COL5A1: variants seen among roughly 807,000 people sequenced by gnomAD.
The protein encoded by COL5A1 is collagen alpha-1(V) chain.
A neutral mutation model predicts 263.7 loss-of-function variants in COL5A1; 16 were observed. That is an observed-to-expected ratio of 0.06 (90% CI 0.04 to 0.09). The LOEUF (loss-of-function observed/expected upper bound fraction) is 0.09. Ranked by LOEUF, COL5A1 falls within the 10% of genes least tolerant of loss-of-function variation. COL5A1 has a pLI of 1.00. For synonymous variants in COL5A1, 1,012 were observed against 1,004.5 expected, an observed-to-expected ratio of 1.01 and a Z score of -0.14; for missense variants, 2,036 against 2,540.5, an observed-to-expected ratio of 0.80 and a Z score of 4.27.
At chr9:134,831,336 A>G (rs942329964) in intron 64 of COL5A1, among the ~76,000 whole-genome samples, 1 of 152,216 alleles carries the variant, frequency 6.6e-6, no homozygotes. Context: ...GTCTGTGCTC[A>G]CCGTGGCTGT....
intron 18 of COL5A1, among the ~76,000 whole-genome samples, chr9:134,760,311 C>G (rs1174294586): frequency 2.3e-5 from 2 of 87,456 alleles, no homozygotes; most frequent in Admixed American, 1.4e-4. Flanking sequence ...CCCACACATA[C>G]ACACATGCAC....
intron 1 of COL5A1, among the ~76,000 whole-genome samples, chr9:134,664,070 C>G (rs541110381): frequency 6.6e-6 from 1 of 152,318 alleles, no homozygotes; most frequent in East Asian, 1.9e-4. Flanking sequence ...AGCCAGGGCA[C>G]TGGCAGAAAT....
At chr9:134,649,575 T>G (rs1274143601) in intron 1 of COL5A1, 2 of 444,396 alleles carry the variant, frequency 4.5e-6, no homozygotes, top group South Asian at 3.4e-5. Flanking sequence ...TCTGGTGGCC[T>G]CTTTTTTTTC....
chr9:134,813,182 A>G (rs532278067), intron 48 of COL5A1, among the ~76,000 whole-genome samples: 6 of 151,196 alleles, frequency 4.0e-5, no homozygotes, highest in Admixed American at 3.9e-4. Context: ...CATGAGCGTC[A>G]TGGACCCAGT....
chr9:134,750,464 C>T (rs915923496), intron 11 of COL5A1, 78 bp from the exon 12 acceptor site: 50 of 1,351,844 alleles, frequency 3.7e-5, no homozygotes, highest in South Asian at 2.0e-4. Flanking sequence ...GCCGCTTCTC[C>T]GACGCCCTCA....
intron 34 of COL5A1, 35 bp from the exon 35 acceptor site, chr9:134,796,339 T>A: frequency 6.2e-7 from 1 of 1,609,478 alleles, no homozygotes. Flanking sequence ...ATAATAACAA[T>A]CATAAGCTTT....
At chr9:134,748,144 T>C (rs1835634162) in intron 11 of COL5A1, among the ~76,000 whole-genome samples, 1 of 143,144 alleles carries the variant, frequency 7.0e-6, no homozygotes, top group Non-Finnish European at 1.5e-5. Flanking sequence ...TGCATACACA[T>C]GCATTCACAC....
rs1346454000 is a variant in COL5A1 at position 134,830,982 on chromosome 9, C to T, written c.5136+938C>T. On this transcript the variant is annotated intron_variant, in intron 64 of 65. Transcript: ENST00000371817. ...AAGGTTCCAGAACACAAGACGGGTT[C>T]CGGGTGTCATTTATGGCCCAGATTC... Among the ~76,000 whole-genome samples, 3 of 152,226 alleles carry T rather than the reference C, an allele frequency of 2.0e-5. No homozygotes were observed. The East Asian group carries it at 5.8e-4, about 29-fold the overall frequency.
intron 11 of COL5A1, among the ~76,000 whole-genome samples, chr9:134,747,595 GCATTCACACGCA>G (rs1260763969): frequency 6.6e-6 from 1 of 150,878 alleles, no homozygotes; most frequent in East Asian, 2.0e-4. Flanking sequence ...ATACACACAT[GCATTCACACGCA>G]CATTCACACA....
chr9:134,802,888 G>T lies in COL5A1; in HGVS notation c.3007G>T (p.Gly1003Cys). Reference protein sequence around the residue: ...PGPPGVVGPQGPTGETGPMGE... With the variant: ...PGPPGVVGPQCPTGETGPMGE... Reference sequence around the variant, plus strand: ...TGGCTGACACTGATTTTCCCCACAGGGTCCCACGGGAGAAACGGGCCCAAT... The same window carrying T: ...TGGCTGACACTGATTTTCCCCACAGTGTCCCACGGGAGAAACGGGCCCAAT... The change falls in exon 39 of 66, where the codon GGT becomes TGT. Residue 1003 changes from glycine to cysteine, a missense_variant and splice_region_variant. Around this residue, in one of 3 missense-constraint regions of COL5A1, gnomAD observed 1,078 missense variants for 1,521.4 expected, o/e 0.71. Coordinates refer to ENST00000371817, the MANE Select transcript of COL5A1 (RefSeq NM_000093.5). 6.2e-7 allele frequency: 1 copy of T among 1,610,860 alleles called. No homozygotes were observed. The highest frequency in any genetic ancestry group is 8.5e-7 in the Non-Finnish European group (1 of 1,178,528).
At chr9:134,676,226 T>G (rs980302502) in intron 1 of COL5A1, among the ~76,000 whole-genome samples, 2 of 152,226 alleles carry the variant, frequency 1.3e-5, no homozygotes, top group African/African-American at 4.8e-5. Context: ...TGTTCTGGAC[T>G]TACTGGTGTG....
Position 134,822,815 on chromosome 9 carries a change from G to T in COL5A1, c.4609-183G>T, listed in dbSNP as rs144453532. ...GGACCACCCTGTGTCTCCACGAGGG[G>T]TGAGCACCAGCCAGGCCCCGACCCT... is the stretch of plus-strand genomic sequence containing the variant. On this transcript the variant is annotated intron_variant, in intron 59 of 65. Transcript: ENST00000371817. 1.6e-4 allele frequency: 117 copies of T among 730,964 alleles called. 1 individual carries two copies. Among genetic ancestry groups the T allele is most frequent in the African/African-American group, 1.0e-3 (59 of 57,186 alleles). The allele number at this position is 730,964 out of a possible 1,614,324, so 45.3% of individuals were successfully genotyped here.
chr9:134,843,194 C>CT lies in COL5A1; in HGVS notation c.*897dup, dbSNP rs1830154221. ...AATAGGGAAAAAATTTGATAATTTTCTTTTTTCTACATGCACTTAAGACTA... is the reference window on the plus strand; with the variant it reads ...AATAGGGAAAAAATTTGATAATTTTCTTTTTTTCTACATGCACTTAAGACTA... On this transcript the variant is annotated 3_prime_UTR_variant, in exon 66 of 66. Transcript: ENST00000371817. 1 of 148,334 alleles carries CT rather than the reference C, an allele frequency of 6.7e-6. No individual in the cohort carries two copies. Among genetic ancestry groups the CT allele is most frequent in the Non-Finnish European group, 1.5e-5 (1 of 67,142 alleles). 9.2% of individuals were successfully genotyped at this position (148,334 alleles called of 1,614,324 possible). A position where few individuals can be genotyped will look rare whatever the true frequency, so the allele number is the denominator to read the frequency against.
At chr9:134,830,286 C>G (rs1028363841) in intron 64 of COL5A1, 2 of 1,097,068 alleles carry the variant, frequency 1.8e-6, no homozygotes, top group Non-Finnish European at 2.7e-6. Flanking sequence ...CCGCTCTTGC[C>G]AAACCGCTCC....
At chr9:134,749,195 A>G (rs1392811119) in intron 11 of COL5A1, among the ~76,000 whole-genome samples, 1 of 152,200 alleles carries the variant, frequency 6.6e-6, no homozygotes, top group Non-Finnish European at 1.5e-5. Flanking sequence ...AGATCATGCC[A>G]CTGCACTCCA....
Position 134,818,635 on chromosome 9 carries a change from C to G in COL5A1, c.4231-21C>G. On this transcript the variant is annotated intron_variant, in intron 54 of 65. Transcript: ENST00000371817. The surrounding 1 kb of genome is among the most constrained non-coding windows in gnomAD (Gnocchi z 6.0). Reference sequence around the variant, plus strand: ...GGAGCCTAGAGCTCCGGACCTCATTCTGCCCTCCGCCGTCCTGCAGGGAGA... The same window carrying G: ...GGAGCCTAGAGCTCCGGACCTCATTGTGCCCTCCGCCGTCCTGCAGGGAGA... The G allele has an allele frequency of 6.3e-7, 1 of 1,583,210 alleles. No individual in the cohort carries two copies. Among genetic ancestry groups the G allele is most frequent in the Non-Finnish European group, 8.6e-7 (1 of 1,159,204 alleles).
At chr9:134,720,908 G>A (rs1554786011) in intron 4 of COL5A1, among the ~76,000 whole-genome samples, 1 of 152,180 alleles carries the variant, frequency 6.6e-6, no homozygotes, top group Non-Finnish European at 1.5e-5. Flanking sequence ...ATCCACAGCT[G>A]CCTTCAAGGT....
chr9:134,784,189 A>G (rs1158622495), intron 29 of COL5A1, among the ~76,000 whole-genome samples: 1 of 152,220 alleles, frequency 6.6e-6, no homozygotes, highest in Non-Finnish European at 1.5e-5. Flanking sequence ...AGGGACAGAG[A>G]GTTCCTGACC....
intron 29 of COL5A1, among the ~76,000 whole-genome samples, chr9:134,784,435 G>A (rs1021005769): frequency 2.0e-4 from 31 of 152,166 alleles, no homozygotes; most frequent in Admixed American, 2.6e-4. Flanking sequence ...TCTGAGCCCC[G>A]AGCTCCCAAT....
Sources: gnomAD v4.1 joint callset for allele counts (sites outside exome capture counted in the v4.1 genomes callset) on GRCh38, gnomAD v4.1.1 for gene constraint, gnomAD v4.1.1 regional missense constraint, Gnocchi (gnomAD v3.1) non-coding constraint, MANE v1.5 for transcripts, NCBI Gene and HGNC (gene_info 2026-07-23, HGNC 2026-07-21) for gene names.